Variants in MELTF observed in about 807,000 individuals in gnomAD.
MELTF encodes melanotransferrin, also known as antigen p97 (melanoma associated) identified by monoclonal antibodies 133.2 and 96.5.
Under a neutral mutation model 83.7 loss-of-function variants are expected in MELTF, and 67 were observed. The ratio of observed to expected loss-of-function variants is 0.80; its 90% CI spans 0.66 to 0.98. The LOEUF (loss-of-function observed/expected upper bound fraction) is 0.98. Ranked by LOEUF, MELTF falls within the 50% of genes least tolerant of loss-of-function variation. The pLI is 0.00. For missense variants in MELTF, 1,002 were observed against 1,035.6 expected (o/e 0.97, Z 0.44); for synonymous variants, 462 against 447.6 (o/e 1.03, Z -0.41).
chr3:197,005,957 A>G (rs1718959504), intron 14 of MELTF, among the ~76,000 whole-genome samples: 1 of 152,224 alleles, frequency 6.6e-6, no homozygotes, highest in Admixed American at 6.5e-5. Context: ...ACAGTGGCTC[A>G]TGCCTGTAAT....
In MELTF at chr3:197,029,797, T is replaced by A. The variant is rs539486859; in HGVS notation, c.-95A>T. On this transcript the variant is annotated 5_prime_UTR_variant, in exon 1 of 16. Coordinates refer to ENST00000296350, the MANE Select transcript of MELTF (RefSeq NM_005929.6). The surrounding 1 kb of genome is among the most constrained non-coding windows in gnomAD (Gnocchi z 6.5). ...GCTTCCTCCCTGCTCCCCCTCGCGCTGGCCCGAGCTCCTTAAGTGCGGCCG... is the reference window on the plus strand; with the variant it reads ...GCTTCCTCCCTGCTCCCCCTCGCGCAGGCCCGAGCTCCTTAAGTGCGGCCG... 41 of 877,570 alleles carry A rather than the reference T, an allele frequency of 4.7e-5. No homozygotes were observed. The South Asian group carries it at 1.1e-3, about 23-fold the overall frequency. 54.4% of individuals were successfully genotyped at this position (877,570 alleles called of 1,614,324 possible).
At chr3:197,014,406 T>TG (rs1719288998) in intron 9 of MELTF, among the ~76,000 whole-genome samples, 3 of 147,960 alleles carry the variant, frequency 2.0e-5, no homozygotes, top group Non-Finnish European at 3.0e-5. Context: ...TTTTTTTTTT[T>TG]GAGACAGTCT....
In MELTF at chr3:197,022,463, G is replaced by A. The variant is rs1410898020; in HGVS notation, c.644+494C>T. ...GGTGGAAACGTGAGGTAGCTAGAGG[G>A]GCCCGAGAAGCTTCCTTTCCAATCC... On this transcript the variant is annotated intron_variant, in intron 5 of 15. Transcript: ENST00000296350. The surrounding 1 kb of genome is among the most constrained non-coding windows in gnomAD (Gnocchi z 5.1). 6.6e-6 allele frequency among the ~76,000 whole-genome samples: 1 copy of A among 152,140 alleles called. No individual in the cohort carries two copies. Among genetic ancestry groups the A allele is most frequent in the Non-Finnish European group, 1.5e-5 (1 of 68,010 alleles).
intron 6 of MELTF, chr3:197,018,803 A>G: frequency 1.9e-6 from 1 of 538,196 alleles, no homozygotes; most frequent in Non-Finnish European, 2.4e-6. Context: ...TTTGCATCCT[A>G]TTTGGTAGAG....
rs1234657743 is a variant in MELTF at position 197,006,640 on chromosome 3, G to A, written c.1847C>T (p.Ala616Val). 1 of 1,611,290 alleles carries A rather than the reference G, an allele frequency of 6.2e-7. No individual in the cohort carries two copies. Among genetic ancestry groups the A allele is most frequent in the Admixed American group, 1.7e-5 (1 of 59,606 alleles). The change falls in exon 14 of 16, where the codon GCC becomes GTC. Residue 616 changes from alanine to valine, a missense_variant. Transcript: ENST00000296350. The surrounding 1 kb of genome is among the most constrained non-coding windows in gnomAD (Gnocchi z 5.4). ...GGGTGGTATCTGTGCCAGGTTGCAGGCTGCAAACTGGGACACCTCGGCTCG... is the reference window on the plus strand; with the variant it reads ...GGGTGGTATCTGTGCCAGGTTGCAGACTGCAAACTGGGACACCTCGGCTCG... ...GARAEVSQFAACNLAQIPPHA... is the reference protein window; with the variant it reads ...GARAEVSQFAVCNLAQIPPHA...
chr3:197,024,060 G>A lies in MELTF; in HGVS notation c.487+243C>T, dbSNP rs1381049053. Reference sequence around the variant, plus strand: ...GGCCTGTGCCTGGCTGTGCCATGTGGGACACCACGATGCGTGAGCAAGAAT... The same window carrying A: ...GGCCTGTGCCTGGCTGTGCCATGTGAGACACCACGATGCGTGAGCAAGAAT... On this transcript the variant is annotated intron_variant, in intron 4 of 15. Transcript: ENST00000296350. This position sits in a 1 kb window ranked among gnomAD's most constrained non-coding sequence, Gnocchi z 5.3. The A allele has an allele frequency of 3.1e-6, 2 of 637,958 alleles. No individual in the cohort carries two copies. Among genetic ancestry groups the A allele is most frequent in the African/African-American group, 1.8e-5 (1 of 55,692 alleles). The allele number at this position is 637,958 out of a possible 1,614,324, so 39.5% of individuals were successfully genotyped here.
chr3:197,010,049 C>T (rs568522064), intron 10 of MELTF, among the ~76,000 whole-genome samples: 17 of 152,338 alleles, frequency 1.1e-4, no homozygotes, highest in Non-Finnish European at 1.9e-4. Flanking sequence ...CTTCCTCTGG[C>T]CCCAGCAGTC....
Position 197,011,807 on chromosome 3 carries a change from C to G in MELTF, c.1234-1013G>C, listed in dbSNP as rs924778299. Among the ~76,000 whole-genome samples the G allele has an allele frequency of 6.6e-6, 1 of 152,170 alleles. No homozygotes were observed. Among genetic ancestry groups the G allele is most frequent in the South Asian group, 2.1e-4 (1 of 4,834 alleles). On this transcript the variant is annotated intron_variant, in intron 9 of 15. Transcript: ENST00000296350. This position sits in a 1 kb window ranked among gnomAD's most constrained non-coding sequence, Gnocchi z 4.2. ...TCTCTGAGAACCTCAGAAGCTAGAACTGAGGGTCTTTGAGCCCTTTGCTGG... is the reference window on the plus strand; with the variant it reads ...TCTCTGAGAACCTCAGAAGCTAGAAGTGAGGGTCTTTGAGCCCTTTGCTGG...
intron 6 of MELTF, among the ~76,000 whole-genome samples, chr3:197,019,989 A>C (rs573634635): frequency 1.3e-5 from 2 of 152,218 alleles, no homozygotes; most frequent in Non-Finnish European, 2.9e-5. Context: ...CTGCCCCATC[A>C]AGATCTCGAT....
intron 10 of MELTF, among the ~76,000 whole-genome samples, 186 bp from the exon 11 acceptor site, chr3:197,009,998 C>T (rs1476437569): frequency 6.6e-6 from 1 of 152,224 alleles, no homozygotes; most frequent in Non-Finnish European, 1.5e-5. Flanking sequence ...GCCTGCGTCC[C>T]CTGTGAGAAG....
At chr3:197,019,302 C>A in intron 6 of MELTF, 11 of 1,064,950 alleles carry the variant, frequency 1.0e-5, no homozygotes, top group Non-Finnish European at 1.3e-5. Context: ...TCAGCCACTC[C>A]CGCTTCTCCT....
chr3:197,028,120 G>A (rs765855600), intron 1 of MELTF: 4 of 571,552 alleles, frequency 7.0e-6, no homozygotes, highest in South Asian at 2.4e-5. Context: ...CCAGGAGCAC[G>A]GCTGCTGGCA....
In MELTF at chr3:197,024,385, A is replaced by G; in HGVS notation, c.405T>C (p.Asn135=). The G allele has an allele frequency of 6.2e-7, 1 of 1,610,506 alleles. No homozygotes were observed. Among genetic ancestry groups the G allele is most frequent in the Non-Finnish European group, 8.5e-7 (1 of 1,178,332 alleles). Residue 135 remains asparagine, a synonymous_variant, in exon 4 of 16, where the codon AAT becomes AAC. Transcript: ENST00000296350. The surrounding 1 kb of genome is among the most constrained non-coding windows in gnomAD (Gnocchi z 5.3). ...CGGGCACGTTCCAGCCCACTGTGCG[A>G]TTGATGCCCGTGTGGCAGGACTTCA... ...KGVKSCHTGI[N]RTVGWNVPVG...
Position 197,029,374 on chromosome 3 carries a change from C to T in MELTF, c.49+280G>A, listed in dbSNP as rs972841283. On this transcript the variant is annotated intron_variant, in intron 1 of 15. Transcript: ENST00000296350. This position sits in a 1 kb window ranked among gnomAD's most constrained non-coding sequence, Gnocchi z 6.5. ...CCTCCGGGAGCTCCTCTCCACACCCCGAGGCCTCCCCACCACGCCTCAGCC... is the reference window on the plus strand; with the variant it reads ...CCTCCGGGAGCTCCTCTCCACACCCTGAGGCCTCCCCACCACGCCTCAGCC... 8.3e-6 allele frequency: 3 copies of T among 362,426 alleles called. No homozygotes were observed. The highest frequency in any genetic ancestry group is 2.1e-5 in the African/African-American group (1 of 47,636). The allele number at this position is 362,426 out of a possible 1,614,324, so 22.5% of individuals were successfully genotyped here. A position where few individuals can be genotyped will look rare whatever the true frequency, so the allele number is the denominator to read the frequency against.
rs1237772005 is a variant in MELTF at position 197,029,645 on chromosome 3, G to C, written c.49+9C>G. On this transcript the variant is annotated intron_variant, in intron 1 of 15. Transcript: ENST00000296350. This position sits in a 1 kb window ranked among gnomAD's most constrained non-coding sequence, Gnocchi z 6.5. ...CCGCCCGCCTTTGGCTCTCACAGCG[G>C]GGCCTCACCGGTGCGCAGAGCCAGG... 1.6e-6 allele frequency: 2 copies of C among 1,244,184 alleles called. No individual in the cohort carries two copies. Among genetic ancestry groups the C allele is most frequent in the African/African-American group, 3.1e-5 (2 of 64,766 alleles). 77.1% of individuals were successfully genotyped at this position (1,244,184 alleles called of 1,614,324 possible). A position where few individuals can be genotyped will look rare whatever the true frequency, so the allele number is the denominator to read the frequency against.
In MELTF at chr3:197,019,391, C is replaced by CT. The variant is rs376864596; in HGVS notation, c.712+2012dup. 2.1e-4 allele frequency: 273 copies of CT among 1,280,864 alleles called. No individual in the cohort carries two copies. In the African/African-American group the frequency reaches 2.1e-3, roughly 10 times the overall value. The allele number at this position is 1,280,864 out of a possible 1,614,324, so 79.3% of individuals were successfully genotyped here. On this transcript the variant is annotated intron_variant, in intron 6 of 15. Transcript: ENST00000296350. ...CTTCTACCCCTTGGCTCTTACCAAT[C>CT]TTTCTGTATAAAGTCACTTAAAAAA...
chr3:197,015,227 TC>T, intron 9 of MELTF, 137 bp downstream of exon 9: 3 of 1,114,510 alleles, frequency 2.7e-6, no homozygotes, highest in Admixed American at 2.5e-5. Context: ...CGGTCGCTCC[TC>T]CCCACCCGTC....
rs1720012403 is a variant in MELTF, at chr3:197,029,688, G to A, written c.15C>T (p.Ser5=). ...GAGCCAGGAGCAGCCACAGAGCCCC[G>A]CTCGGACCCCGCATGGCGCCGTCGG... The part of the protein sequence containing the change: MRGP[S]GALWLLLALR... Residue 5 remains serine (S), a synonymous_variant, in exon 1 of 16, where the codon AGC becomes AGT. Coordinates refer to ENST00000296350, the MANE Select transcript of MELTF (RefSeq NM_005929.6). This position sits in a 1 kb window ranked among gnomAD's most constrained non-coding sequence, Gnocchi z 6.5. 5 of 1,244,538 alleles carry A rather than the reference G, an allele frequency of 4.0e-6. No homozygotes were observed. The highest frequency in any genetic ancestry group is 5.0e-6 in the Non-Finnish European group (5 of 995,474). 77.1% of individuals were successfully genotyped at this position (1,244,538 alleles called of 1,614,324 possible). A position where few individuals can be genotyped will look rare whatever the true frequency, so the allele number is the denominator to read the frequency against.
chr3:197,024,168 C>CGGG lies in MELTF; in HGVS notation c.487+132_487+134dup. 1 of 721,360 alleles carries CGGG rather than the reference C, an allele frequency of 1.4e-6. No homozygotes were observed. The highest frequency in any genetic ancestry group is 4.7e-5 in the South Asian group (1 of 21,260). 44.7% of individuals were successfully genotyped at this position (721,360 alleles called of 1,614,324 possible). ...GGAGGCGGGGGAGGCACGGGGCGGG[C>CGGG]GGGGGCTGCTGCGCCTTCCAGGAAT... On this transcript the variant is annotated intron_variant, in intron 4 of 15. Coordinates refer to ENST00000296350, the MANE Select transcript of MELTF (RefSeq NM_005929.6). This position sits in a 1 kb window ranked among gnomAD's most constrained non-coding sequence, Gnocchi z 5.3.
Sources: gnomAD v4.1 joint callset for allele counts (sites outside exome capture counted in the v4.1 genomes callset) on GRCh38, gnomAD v4.1.1 for gene constraint, Gnocchi (gnomAD v3.1) non-coding constraint, MANE v1.5 for transcripts, NCBI Gene and HGNC (gene_info 2026-07-23, HGNC 2026-07-21) for gene names.